The following GPRC5A variants were observed in gnomAD, a reference collection of about 807,000 sequenced individuals.
GPRC5A encodes the protein G protein-coupled receptor class C group 5 member A, also known as retinoic acid-induced protein 3.
Under a neutral mutation model 22.5 loss-of-function variants are expected in GPRC5A, and 19 were observed. The ratio of observed to expected loss-of-function variants is 0.85; its 90% CI spans 0.59 to 1.24. The LOEUF is 1.24. Ranked by LOEUF, GPRC5A falls within the 50% of genes most tolerant of loss-of-function variation. The probability of loss-of-function intolerance (pLI) is 0.00; values close to 1 mark genes in which losing one functional copy is unlikely to be tolerated. For missense variants in GPRC5A, 471 were observed against 451.1 expected (o/e 1.04, Z -0.40); for synonymous variants, 192 against 184.5 (o/e 1.04, Z -0.33).
rs757174409 is a variant in GPRC5A at position 12,915,839 on chromosome 12, G to A, written c.*3300G>A. 71 of 522,696 alleles carry A rather than the reference G, an allele frequency of 1.4e-4. No homozygotes were observed. In the Middle Eastern group the frequency reaches 2.4e-3, roughly 18 times the overall value. The allele number at this position is 522,696 out of a possible 1,614,324, so 32.4% of individuals were successfully genotyped here. A position where few individuals can be genotyped will look rare whatever the true frequency, so the allele number is the denominator to read the frequency against. ...CCCCGTTGTTTCCCTTCTAAGAAAC[G>A]CAGTGGTCTCTGAAGCCTGCAGGGG... On this transcript the variant is annotated 3_prime_UTR_variant, in exon 4 of 4. Transcript: ENST00000014914.
In GPRC5A at chr12:12,913,555, G is replaced by T. The variant is rs1864029940; in HGVS notation, c.*1016G>T. 3 of 152,160 alleles carry T rather than the reference G, an allele frequency of 2.0e-5. No individual in the cohort carries two copies. In the South Asian group the frequency reaches 6.2e-4, roughly 31 times the overall value. The allele number at this position is 152,160 out of a possible 1,614,324, so 9.4% of individuals were successfully genotyped here. ...GCATTTACGGCTGCATTCTGTAAGT[G>T]GGCATGGTCTCCTAATGGAGGAGTG... On this transcript the variant is annotated 3_prime_UTR_variant, in exon 4 of 4. Coordinates refer to ENST00000014914, the MANE Select transcript of GPRC5A (RefSeq NM_003979.4).
At chr12:12,906,404 CTACAAAAA>C (rs1300339104) in intron 1 of GPRC5A, among the ~76,000 whole-genome samples, 2 of 152,016 alleles carry the variant, frequency 1.3e-5, no homozygotes, top group African/African-American at 4.8e-5. Flanking sequence ...AACCCCATCT[CTACAAAAA>C]TACAAAAATT....
rs765788814 is a variant in GPRC5A at position 12,908,733 on chromosome 12, G to A, written c.484G>A (p.Val162Ile). 2.5e-6 allele frequency: 4 copies of A among 1,614,120 alleles called. No homozygotes were observed. The South Asian group carries it at 3.3e-5, about 13-fold the overall frequency. The change falls in exon 2 of 4, where the codon GTC (valine) becomes ATC (isoleucine). Residue 162 changes from valine (V) to isoleucine (I), a missense_variant. Physicochemically the swap from Val to Ile is conservative, Grantham distance 29 (BLOSUM62 3). Transcript: ENST00000014914. ...YIVLTMNRTN[V>I]NVFSELSAPR... is the part of the protein sequence containing the mutation. ...TGTCCTGACCATGAATAGGACCAAC[G>A]TCAATGTCTTTTCTGAGCTTTCCGC...
chr12:12,895,098 T>C (rs745320132), intron 1 of GPRC5A, among the ~76,000 whole-genome samples: 12 of 152,152 alleles, frequency 7.9e-5, no homozygotes, highest in Non-Finnish European at 4.4e-5. Flanking sequence ...TTATCTTCAG[T>C]GTAGAGCATC....
In GPRC5A at chr12:12,907,313, A is replaced by G. The variant is rs533853416; in HGVS notation, c.-7-930A>G. ...CTACTCTGGAGGCTGAGGCAGGAGA[A>G]TCACTTGAGCCCGGGAGGCGGAGCT... On this transcript the variant is annotated intron_variant, in intron 1 of 3. Transcript: ENST00000014914. Among the ~76,000 whole-genome samples, 54 of 149,924 alleles carry G rather than the reference A, an allele frequency of 3.6e-4. No homozygotes were observed. The South Asian group carries it at 5.6e-3, about 15-fold the overall frequency.
At chr12:12,905,372 C>G (rs76352426) in intron 1 of GPRC5A, among the ~76,000 whole-genome samples, 1,661 of 152,222 alleles carry the variant, frequency 0.011, 27 homozygotes, top group Non-Finnish European at 0.013. Context: ...TAACTCTGGC[C>G]TCTTTCCTGC....
At chr12:12,901,746 C>T (rs1267364394) in intron 1 of GPRC5A, among the ~76,000 whole-genome samples, 2 of 135,300 alleles carry the variant, frequency 1.5e-5, no homozygotes, top group Non-Finnish European at 3.1e-5. Context: ...ATGTGTGTCT[C>T]ATCAGACTTG....
intron 1 of GPRC5A, among the ~76,000 whole-genome samples, chr12:12,900,392 C>A (rs1863868824): frequency 6.6e-6 from 1 of 152,192 alleles, no homozygotes; most frequent in African/African-American, 2.4e-5. Context: ...GCGTGTCCTG[C>A]ATTTTATAGA....
chr12:12,906,645 C>T (rs939975089), intron 1 of GPRC5A, among the ~76,000 whole-genome samples: 4 of 152,178 alleles, frequency 2.6e-5, no homozygotes, highest in Non-Finnish European at 4.4e-5. Context: ...TTGGATTACC[C>T]GCTATTTATG....
intron 1 of GPRC5A, among the ~76,000 whole-genome samples, chr12:12,907,606 C>A (rs148709889): frequency 3.3e-5 from 5 of 152,138 alleles, no homozygotes; most frequent in African/African-American, 9.6e-5. Flanking sequence ...ATATCAGGAA[C>A]CCTGGCAGGT....
chr12:12,916,002 TA>T lies in GPRC5A; in HGVS notation c.*3465del, dbSNP rs1864060998. The T allele has an allele frequency of 1.2e-5, 4 of 346,164 alleles. No homozygotes were observed. Among genetic ancestry groups the T allele is most frequent in the South Asian group, 8.7e-5 (4 of 45,826 alleles). 21.4% of individuals were successfully genotyped at this position (346,164 alleles called of 1,614,324 possible). Reference sequence around the variant, plus strand: ...AGGTCTCACACCTTCTGCACATAAATAAGCTATTTTTAAAAGTTATTATTTT... The same window carrying T: ...AGGTCTCACACCTTCTGCACATAAATAGCTATTTTTAAAAGTTATTATTTT... On this transcript the variant is annotated 3_prime_UTR_variant, in exon 4 of 4. Transcript: ENST00000014914.
rs1592345916 is a variant in GPRC5A, at chr12:12,893,919, G to A, written c.-8+2255G>A. On this transcript the variant is annotated intron_variant, in intron 1 of 3. Transcript: ENST00000014914. ...TGGGATTACAGGCGCCCGCTACCAC[G>A]CCTGGGTAATTTTTGTATTTTTAGT... is the stretch of plus-strand genomic sequence containing the variant. Among the ~76,000 whole-genome samples the A allele has an allele frequency of 2.6e-5, 4 of 152,010 alleles. No individual in the cohort carries two copies. The South Asian group carries it at 6.2e-4, about 24-fold the overall frequency.
At chr12:12,905,661 A>G (rs1863934059) in intron 1 of GPRC5A, among the ~76,000 whole-genome samples, 1 of 151,998 alleles carries the variant, frequency 6.6e-6, no homozygotes, top group Admixed American at 6.6e-5. Context: ...AAATGGGGAC[A>G]CTCCTTTCTC....
At chr12:12,899,466 G>A (rs1863859701) in intron 1 of GPRC5A, among the ~76,000 whole-genome samples, 1 of 152,084 alleles carries the variant, frequency 6.6e-6, no homozygotes, top group African/African-American at 2.4e-5. Flanking sequence ...GTGAAAAGGA[G>A]GATTGAATTA....
At chr12:12,903,800 G>C (rs536679928) in intron 1 of GPRC5A, among the ~76,000 whole-genome samples, 85 of 152,318 alleles carry the variant, frequency 5.6e-4, no homozygotes, top group African/African-American at 1.9e-3. Context: ...GAGCCTATAG[G>C]TTCTAGATGG....
chr12:12,900,823 G>C (rs1863875722), intron 1 of GPRC5A, among the ~76,000 whole-genome samples: 1 of 145,704 alleles, frequency 6.9e-6, no homozygotes. Context: ...CTGGGAGATG[G>C]TGGTTGCAGT....
rs751439676 is a variant in GPRC5A, at chr12:12,909,005, T to C, written c.756T>C (p.Asn252=). 2 of 1,614,064 alleles carry C rather than the reference T, an allele frequency of 1.2e-6. No homozygotes were observed. Among genetic ancestry groups the C allele is most frequent in the Non-Finnish European group, 1.7e-6 (2 of 1,180,014 alleles). ...TCCTCAGCTCCGCCTTGGCTGCCAA[T>C]GGCTGGGTGTTCCTGTTGGCTTATG... The part of the protein sequence containing the change: ...DTILSSALAA[N]GWVFLLAYVS... The change falls in exon 2 of 4, where the codon AAT becomes AAC. Residue 252 remains asparagine, a synonymous_variant. Coordinates refer to ENST00000014914, the MANE Select transcript of GPRC5A (RefSeq NM_003979.4).
chr12:12,900,018 G>A (rs965869035), intron 1 of GPRC5A, among the ~76,000 whole-genome samples: 1 of 152,210 alleles, frequency 6.6e-6, no homozygotes, highest in African/African-American at 2.4e-5. Context: ...GCGAAGAGGA[G>A]TCTCAGGTTA....
At chr12:12,895,356 G>C (rs150930858) in intron 1 of GPRC5A, among the ~76,000 whole-genome samples, 13 of 146,302 alleles carry the variant, frequency 8.9e-5, no homozygotes, top group African/African-American at 3.2e-4. Flanking sequence ...GGTTCTTCTA[G>C]GTATGATATA....
Sources: allele counts gnomAD v4.1 joint callset (sites outside exome capture counted in the v4.1 genomes callset), GRCh38; gene constraint gnomAD v4.1.1; transcripts MANE v1.5; gene names NCBI Gene and HGNC (gene_info 2026-07-23, HGNC 2026-07-21).